The following PIKFYVE variants were observed in gnomAD, a reference collection of about 807,000 sequenced individuals.
PIKFYVE encodes the protein 1-phosphatidylinositol 3-phosphate 5-kinase.
A neutral mutation model predicts 257.9 loss-of-function variants in PIKFYVE; 122 were observed. That is an observed-to-expected ratio of 0.47 (90% CI 0.41 to 0.55). PIKFYVE has a LOEUF of 0.55. Among genes scored for constraint, PIKFYVE ranks in the 20% least tolerant of loss-of-function variants. The pLI, the probability that PIKFYVE is intolerant of heterozygous loss-of-function variation, is 0.00. For synonymous variants in PIKFYVE, 892 were observed against 868.9 expected, an observed-to-expected ratio of 1.03 and a Z score of -0.47; for missense variants, 2,160 against 2,536.6, an observed-to-expected ratio of 0.85 and a Z score of 3.19.
intron 19 of PIKFYVE, 27 bp downstream of exon 19, chr2:208,325,064 C>T (rs1293809543): frequency 6.2e-7 from 1 of 1,613,650 alleles, no homozygotes; most frequent in South Asian, 1.1e-5. Context: ...ATAGATTGAC[C>T]TGAGGAAAAG....
chr2:208,336,190 T>C lies in PIKFYVE; in HGVS notation c.4510T>C (p.Trp1504Arg). ...KQSLCEVLQAWNNRLQDLFQQ... is the reference protein window; with the variant it reads ...KQSLCEVLQARNNRLQDLFQQ... ...AAGTCTCTGTGAAGTGCTGCAAGCTTGGAATAACAGGTGTGATTTTGCAGT... is the reference window on the plus strand; with the variant it reads ...AAGTCTCTGTGAAGTGCTGCAAGCTCGGAATAACAGGTGTGATTTTGCAGT... Residue 1504 changes from tryptophan (W) to arginine (R), a missense_variant, in exon 27 of 42, where the codon TGG becomes CGG. This residue lies in a region of PIKFYVE where 699 missense variants were observed against 855.8 expected (regional missense o/e 0.82). Transcript: ENST00000264380. 1 of 1,614,092 alleles carries C rather than the reference T, an allele frequency of 6.2e-7. No homozygotes were observed. The highest frequency in any genetic ancestry group is 8.5e-7 in the Non-Finnish European group (1 of 1,179,958).
chr2:208,314,900 A>G (rs1298455842), intron 14 of PIKFYVE, among the ~76,000 whole-genome samples: 1 of 18,666 alleles, frequency 5.4e-5, no homozygotes, highest in Non-Finnish European at 4.3e-4. Flanking sequence ...CGTCTCAGAG[A>G]AAAAAAACAA....
At position 208,315,118 on chromosome 2, in the gene PIKFYVE, G is replaced by A. The variant is rs1487729694; in HGVS notation, c.1827-75G>A. On this transcript the variant is annotated intron_variant, in intron 14 of 41. Coordinates refer to ENST00000264380, the MANE Select transcript of PIKFYVE (RefSeq NM_015040.4). ...TGAAATGTTTATTTCTTTGTAGGCT[G>A]TTTGTTTTATCATCAGAATTATTGT... 9.8e-6 allele frequency: 13 copies of A among 1,326,464 alleles called. No homozygotes were observed. The Admixed American group carries it at 1.1e-4, about 11-fold the overall frequency. The allele number at this position is 1,326,464 out of a possible 1,614,324, so 82.2% of individuals were successfully genotyped here.
intron 5 of PIKFYVE, among the ~76,000 whole-genome samples, chr2:208,284,915 C>CGCCCTCAAGCAGTCCTTCT (rs1245195482): frequency 6.6e-6 from 1 of 150,722 alleles, no homozygotes; most frequent in Non-Finnish European, 1.5e-5. Context: ...ACAGTCCTCC[C>CGCCCTCAAGCAGTCCTTCT]GCCCTCAAGC....
At position 208,312,267 on chromosome 2, in the gene PIKFYVE, G is replaced by A. The variant is rs139672671; in HGVS notation, c.1668G>A (p.Gln556=). 6.5e-5 allele frequency: 104 copies of A among 1,611,672 alleles called. No individual in the cohort carries two copies. The highest frequency in any genetic ancestry group is 8.7e-5 in the Non-Finnish European group (102 of 1,178,640). The part of the protein sequence containing the change: ...EYLISDTGGQ[Q]LSISDAFIKE... ...TGATTTCTGACACTGGAGGACAACA[G>A]CTCTCAATAAGTGACGCTTTCATCA... The change falls in exon 13 of 42, where the codon CAG becomes CAA. Residue 556 remains glutamine, a synonymous_variant. Transcript: ENST00000264380.
At chr2:208,297,990 A>G (rs1402554717) in intron 7 of PIKFYVE, among the ~76,000 whole-genome samples, 1 of 152,206 alleles carries the variant, frequency 6.6e-6, no homozygotes, top group Non-Finnish European at 1.5e-5. Flanking sequence ...ATATTTGAGG[A>G]CAATATTTTA....
intron 8 of PIKFYVE, among the ~76,000 whole-genome samples, chr2:208,300,051 C>T (rs942893952): frequency 6.6e-6 from 1 of 151,850 alleles, no homozygotes. Context: ...AACCAGCAAA[C>T]CCACAAAAGG....
chr2:208,306,785 T>C (rs1333604181), intron 12 of PIKFYVE, among the ~76,000 whole-genome samples: 2 of 43,952 alleles, frequency 4.6e-5, no homozygotes, highest in Non-Finnish European at 1.2e-4. Flanking sequence ...CCTTTTTTTT[T>C]TTTTTTCTAA....
At position 208,304,191 on chromosome 2, in the gene PIKFYVE, G is replaced by T; in HGVS notation, c.1341G>T (p.Thr447=). 6.2e-7 allele frequency: 1 copy of T among 1,614,056 alleles called. No individual in the cohort carries two copies. Among genetic ancestry groups the T allele is most frequent in the Non-Finnish European group, 8.5e-7 (1 of 1,179,976 alleles). ...RPLQSTEFSE[T]PSPDSDSVNS... ...TTCAGAGTACAGAATTTTCTGAGAC[G>T]CCTTCTCCCGACAGTGACTCAGTGA... The change falls in exon 11 of 42, where the codon ACG becomes ACT. Residue 447 remains threonine (T), a synonymous_variant. Transcript: ENST00000264380.
In PIKFYVE at chr2:208,288,757, C is replaced by T. The variant is rs748636660; in HGVS notation, c.850C>T (p.Pro284Ser). Residue 284 changes from proline to serine, a missense_variant, in exon 7 of 42, where the codon CCT (proline) becomes TCT (serine). By Grantham distance (74) the Pro-to-Ser change is moderately conservative (BLOSUM62 -1). This residue lies in a region of PIKFYVE where 187 missense variants were observed against 185.6 expected (regional missense o/e 1.01). Coordinates refer to ENST00000264380, the MANE Select transcript of PIKFYVE (RefSeq NM_015040.4). ...SLIHPDSSNTPLSTRLVSVQE... is the reference protein window; with the variant it reads ...SLIHPDSSNTSLSTRLVSVQE... ...GATTCATCCAGATTCCTCAAATACTCCTCTTTCAACAAGACTTGTATCTGT... is the reference window on the plus strand; with the variant it reads ...GATTCATCCAGATTCCTCAAATACTTCTCTTTCAACAAGACTTGTATCTGT... The T allele has an allele frequency of 6.2e-7, 1 of 1,613,884 alleles. No individual in the cohort carries two copies. Among genetic ancestry groups the T allele is most frequent in the African/African-American group, 1.3e-5 (1 of 74,914 alleles).
At chr2:208,277,983 A>C (rs1260186664) in intron 5 of PIKFYVE, among the ~76,000 whole-genome samples, 1 of 152,248 alleles carries the variant, frequency 6.6e-6, no homozygotes, top group African/African-American at 2.4e-5. Flanking sequence ...AGATCGTTAG[A>C]GTAGATTACT....
intron 19 of PIKFYVE, 58 bp downstream of exon 19, chr2:208,325,095 A>G: frequency 6.2e-7 from 1 of 1,607,782 alleles, no homozygotes; most frequent in Admixed American, 1.7e-5. Context: ...TCACTACTAC[A>G]ATGTTTACTT....
intron 23 of PIKFYVE, among the ~76,000 whole-genome samples, chr2:208,332,419 C>A (rs930052477): frequency 6.6e-6 from 1 of 152,126 alleles, no homozygotes; most frequent in African/African-American, 2.4e-5. Context: ...TATCAAAGAT[C>A]ATATAAATGT....
At chr2:208,347,735 T>G (rs1699362764) in intron 34 of PIKFYVE, 124 bp from the exon 35 acceptor site, 2 of 830,048 alleles carry the variant, frequency 2.4e-6, no homozygotes, top group East Asian at 5.3e-5. Flanking sequence ...CAAAAGTATT[T>G]GCATTACTCA....
At position 208,333,503 on chromosome 2, in the gene PIKFYVE, C is replaced by G. The variant is rs775744936; in HGVS notation, c.4142+10C>G. The G allele has an allele frequency of 1.9e-6, 3 of 1,610,628 alleles. No individual in the cohort carries two copies. The highest frequency in any genetic ancestry group is 2.5e-6 in the Non-Finnish European group (3 of 1,177,374). On this transcript the variant is annotated intron_variant, in intron 24 of 41. Coordinates refer to ENST00000264380, the MANE Select transcript of PIKFYVE (RefSeq NM_015040.4). ...TGGTGGCGTCTTTCAGGTAAGAAAT[C>G]CTAGGAATCTTGTGCATGATCTCAG...
chr2:208,342,338 A>G (rs1296554623), intron 31 of PIKFYVE, among the ~76,000 whole-genome samples: 1 of 152,182 alleles, frequency 6.6e-6, no homozygotes, highest in African/African-American at 2.4e-5. Flanking sequence ...TCTTGGCAGT[A>G]TGGAAAGGTT....
At chr2:208,342,982 A>G (rs1698861159) in intron 32 of PIKFYVE, among the ~76,000 whole-genome samples, 1 of 151,656 alleles carries the variant, frequency 6.6e-6, no homozygotes, top group African/African-American at 2.4e-5. Flanking sequence ...TTTAGTAGAG[A>G]TGGGGTTTCA....
chr2:208,272,505 C>T (rs1689558537), intron 2 of PIKFYVE, among the ~76,000 whole-genome samples: 1 of 152,080 alleles, frequency 6.6e-6, no homozygotes, highest in Non-Finnish European at 1.5e-5. Context: ...CTAAGGTGTA[C>T]ATGTAATGAC....
chr2:208,322,073 A>G (rs1696309064), intron 17 of PIKFYVE, among the ~76,000 whole-genome samples: 1 of 152,140 alleles, frequency 6.6e-6, no homozygotes, highest in South Asian at 2.1e-4. Flanking sequence ...TAGAGGAGAG[A>G]ATTCATAACC....
Sources: allele counts gnomAD v4.1 joint callset (sites outside exome capture counted in the v4.1 genomes callset), GRCh38; gene constraint gnomAD v4.1.1; regional missense constraint gnomAD v4.1.1; transcripts MANE v1.5; gene names NCBI Gene and HGNC (gene_info 2026-07-23, HGNC 2026-07-21).